GUCY1A2: variants seen among roughly 807,000 people sequenced by gnomAD.
GUCY1A2 encodes guanylate cyclase soluble subunit alpha-2.
GUCY1A2 carries 27 observed loss-of-function variants against 63.5 expected under a neutral mutation model. That is an observed-to-expected ratio of 0.43 (90% confidence interval 0.31 to 0.59). The LOEUF is 0.59. Among genes scored for constraint, GUCY1A2 ranks in the 20% least tolerant of loss-of-function variants. The pLI, the probability that GUCY1A2 is intolerant of heterozygous loss-of-function variation, is 0.11. For synonymous variants in GUCY1A2, 364 were observed against 343.5 expected, an observed-to-expected ratio of 1.06 and a Z score of -0.66; for missense variants, 768 against 913.3, an observed-to-expected ratio of 0.84 and a Z score of 2.05.
chr11:106,718,296 A>T (rs375526388), intron 6 of GUCY1A2, among the ~76,000 whole-genome samples: 1 of 66,958 alleles, frequency 1.5e-5, no homozygotes, highest in Non-Finnish European at 3.7e-5. Flanking sequence ...AAAATTTTAA[A>T]TAATTAATAT....
intron 1 of GUCY1A2, among the ~76,000 whole-genome samples, chr11:107,002,680 G>A (rs1406184397): frequency 6.6e-6 from 1 of 152,140 alleles, no homozygotes; most frequent in Non-Finnish European, 1.5e-5. Context: ...TAAAATTACT[G>A]AAGGATGAAT....
chr11:106,827,171 C>G, intron 4 of GUCY1A2: 3 of 1,501,716 alleles, frequency 2.0e-6, no homozygotes, highest in Non-Finnish European at 2.8e-6. Flanking sequence ...AGATTCAAGC[C>G]TTCATGCCAA....
intron 4 of GUCY1A2, among the ~76,000 whole-genome samples, chr11:106,823,210 C>T (rs138184491): frequency 2.0e-4 from 31 of 152,076 alleles, no homozygotes; most frequent in African/African-American, 6.8e-4. Context: ...GAACATTGTA[C>T]CCAAGAGGTA....
At chr11:106,846,870 CAG>C (rs1170263504) in intron 4 of GUCY1A2, among the ~76,000 whole-genome samples, 2 of 151,216 alleles carry the variant, frequency 1.3e-5, no homozygotes, top group African/African-American at 4.8e-5. Context: ...CACCATGTAT[CAG>C]GGGAAAAGGT....
At chr11:106,895,339 A>C (rs1860031951) in intron 4 of GUCY1A2, among the ~76,000 whole-genome samples, 1 of 152,186 alleles carries the variant, frequency 6.6e-6, no homozygotes, top group Admixed American at 6.5e-5. Context: ...CATTTTTCTA[A>C]ATCTTTCCCA....
intron 3 of GUCY1A2, among the ~76,000 whole-genome samples, chr11:106,952,678 T>G (rs1164288610): frequency 6.6e-6 from 1 of 151,382 alleles, no homozygotes; most frequent in Non-Finnish European, 1.5e-5. Flanking sequence ...TTAAACAGAG[T>G]CTTGATCTAT....
intron 7 of GUCY1A2, among the ~76,000 whole-genome samples, chr11:106,692,974 A>G (rs1031992028): frequency 1.3e-5 from 2 of 152,194 alleles, no homozygotes; most frequent in Admixed American, 6.5e-5. Context: ...GTTTGAAATC[A>G]CTGTGTGAAA....
intron 3 of GUCY1A2, among the ~76,000 whole-genome samples, chr11:106,972,354 T>C (rs895573624): frequency 1.3e-5 from 2 of 151,904 alleles, no homozygotes; most frequent in African/African-American, 2.4e-5. Flanking sequence ...TAAAACTACA[T>C]TAAAACTTCA....
chr11:107,017,894 G>GGCAGCT lies in GUCY1A2; in HGVS notation c.156_161dup (p.Ala57_Ala58dup). 1.6e-6 allele frequency: 2 copies of GGCAGCT among 1,247,278 alleles called. No individual in the cohort carries two copies. Among genetic ancestry groups the GGCAGCT allele is most frequent in the Middle Eastern group, 2.7e-4 (1 of 3,734 alleles). The allele number at this position is 1,247,278 out of a possible 1,614,324, so 77.3% of individuals were successfully genotyped here. On this transcript the variant is annotated inframe_insertion, in exon 1 of 8. Coordinates refer to ENST00000526355, the MANE Select transcript of GUCY1A2 (RefSeq NM_000855.3). ...GGGTCGGGGCCGGGGCGGCGGCAGC[G>GGCAGCT]GCAGCTGCGGCCGGGCTGGGCTCCA...
intron 4 of GUCY1A2, among the ~76,000 whole-genome samples, chr11:106,926,853 G>C (rs1319145118): frequency 6.6e-6 from 1 of 151,568 alleles, no homozygotes; most frequent in Non-Finnish European, 1.5e-5. Flanking sequence ...CAGTTTTATA[G>C]TGTCCAATGA....
intron 5 of GUCY1A2, among the ~76,000 whole-genome samples, chr11:106,802,628 T>G (rs953194247): frequency 6.6e-6 from 1 of 152,122 alleles, no homozygotes; most frequent in Non-Finnish European, 1.5e-5. Flanking sequence ...AGGAATTTAT[T>G]CCTCATAGTT....
intron 2 of GUCY1A2, among the ~76,000 whole-genome samples, chr11:106,979,633 G>A (rs1465102264): frequency 1.3e-5 from 2 of 152,108 alleles, no homozygotes; most frequent in Non-Finnish European, 2.9e-5. Context: ...TAGAGTTCTT[G>A]TGAGGACTAA....
chr11:106,711,151 T>C (rs1310430061), intron 6 of GUCY1A2, among the ~76,000 whole-genome samples: 4 of 152,158 alleles, frequency 2.6e-5, no homozygotes, highest in Non-Finnish European at 4.4e-5. Flanking sequence ...AATTAGTGCA[T>C]GGATAGCATC....
chr11:106,790,484 T>C (rs1421969609), intron 5 of GUCY1A2, among the ~76,000 whole-genome samples: 1 of 152,184 alleles, frequency 6.6e-6, no homozygotes, highest in East Asian at 1.9e-4. Context: ...TGCTCTACCT[T>C]ACTGGGGCTG....
At chr11:106,901,254 G>A (rs1432704126) in intron 4 of GUCY1A2, among the ~76,000 whole-genome samples, 6 of 152,178 alleles carry the variant, frequency 3.9e-5, no homozygotes, top group Admixed American at 3.9e-4. Flanking sequence ...TCTACTGTGA[G>A]AGTGCATCTA....
intron 1 of GUCY1A2, among the ~76,000 whole-genome samples, chr11:107,015,476 TA>T (rs1303381649): frequency 6.8e-6 from 1 of 147,024 alleles, no homozygotes; most frequent in African/African-American, 2.5e-5. Flanking sequence ...ACTCCTCATG[TA>T]AGTTGTTGAA....
At chr11:106,840,384 T>A (rs983553339) in intron 4 of GUCY1A2, among the ~76,000 whole-genome samples, 15 of 151,976 alleles carry the variant, frequency 9.9e-5, no homozygotes, top group African/African-American at 3.6e-4. Context: ...TATGAAATGA[T>A]ACCATCTGCA....
chr11:106,755,073 C>G (rs768169421), intron 6 of GUCY1A2, among the ~76,000 whole-genome samples: 1 of 152,038 alleles, frequency 6.6e-6, no homozygotes, highest in African/African-American at 2.4e-5. Context: ...CTGGTTTAGT[C>G]TTGGGAGAGT....
At chr11:106,953,911 CTCT>C (rs1860946423) in intron 3 of GUCY1A2, among the ~76,000 whole-genome samples, 1 of 151,680 alleles carries the variant, frequency 6.6e-6, no homozygotes, top group Non-Finnish European at 1.5e-5. Context: ...ATTCTTCTCT[CTCT>C]TATTAGTCTA....
Sources: gnomAD v4.1 joint callset for allele counts (sites outside exome capture counted in the v4.1 genomes callset) on GRCh38, gnomAD v4.1.1 for gene constraint, MANE v1.5 for transcripts, NCBI Gene and HGNC (gene_info 2026-07-23, HGNC 2026-07-21) for gene names.